TREML4: variants seen among roughly 807,000 people sequenced by gnomAD.
TREML4 encodes triggering receptor expressed on myeloid cells like 4.
A neutral mutation model predicts 25.4 loss-of-function variants in TREML4; 25 were observed. The ratio of observed to expected loss-of-function variants is 0.98; its 90% CI spans 0.72 to 1.37. The LOEUF is 1.37. Among genes scored for constraint, TREML4 ranks in the 40% most tolerant of loss-of-function variants. TREML4 has a pLI of 0.00. For missense variants in TREML4, 268 were observed against 236.5 expected (o/e 1.13, Z -0.87); for synonymous variants, 92 against 87.9 (o/e 1.05, Z -0.26).
chr6:41,228,409 G>C lies in TREML4; in HGVS notation c.-19G>C, dbSNP rs374018445. The C allele has an allele frequency of 6.9e-6, 11 of 1,601,292 alleles. No individual in the cohort carries two copies. The highest frequency in any genetic ancestry group is 8.5e-6 in the Non-Finnish European group (10 of 1,173,794). Reference sequence around the variant, plus strand: ...TTTTTTCTCCTCTCCTCCGCTGTCAGAAACAGATCTGGGCTGGAATGGCCT... The same window carrying C: ...TTTTTTCTCCTCTCCTCCGCTGTCACAAACAGATCTGGGCTGGAATGGCCT... On this transcript the variant is annotated 5_prime_UTR_variant, in exon 1 of 6. Transcript: ENST00000341495.
intron 4 of TREML4, 139 bp from the exon 5 acceptor site, chr6:41,236,347 C>T: frequency 1.5e-6 from 1 of 661,578 alleles, no homozygotes; most frequent in South Asian, 1.9e-5. Context: ...GCTCCTGCCC[C>T]ACACCCCTCT....
intron 3 of TREML4, 53 bp downstream of exon 3, chr6:41,229,624 G>A: frequency 6.3e-7 from 1 of 1,591,640 alleles, no homozygotes; most frequent in East Asian, 2.2e-5. Context: ...AGGCAGCTTG[G>A]GAGCCTCAGA....
intron 4 of TREML4, among the ~76,000 whole-genome samples, chr6:41,232,698 C>A (rs1202912766): frequency 1.3e-5 from 2 of 152,126 alleles, no homozygotes; most frequent in African/African-American, 4.8e-5. Context: ...GAGACAGTGG[C>A]AGATGATCAG....
chr6:41,232,441 G>GTGA, intron 4 of TREML4: 1 of 343,218 alleles, frequency 2.9e-6, no homozygotes, highest in Non-Finnish European at 6.1e-6. Context: ...TAGACTAGCA[G>GTGA]TCCCCAACCT....
In TREML4 at chr6:41,229,556, C is replaced by T. The variant is rs769655755; in HGVS notation, c.430C>T (p.Leu144Phe). 1 of 1,613,960 alleles carries T rather than the reference C, an allele frequency of 6.2e-7. No homozygotes were observed. Among genetic ancestry groups the T allele is most frequent in the Non-Finnish European group, 8.5e-7 (1 of 1,179,918 alleles). ...TTSPMWTLPW[L>F]PTSTVLITSP... The stretch of plus-strand genomic sequence containing the variant: ...GTCTCCTATGTGGACTCTTCCCTGG[C>T]TCCCAACAAGCACAGGTAGGTTGGA... The change falls in exon 3 of 6, where the codon CTC becomes TTC. Residue 144 changes from leucine (L) to phenylalanine (F), a missense_variant. Coordinates refer to ENST00000341495, the MANE Select transcript of TREML4 (RefSeq NM_198153.3).
At chr6:41,231,028 A>C (rs1766785535) in intron 4 of TREML4, 4 of 366,708 alleles carry the variant, frequency 1.1e-5, no homozygotes, top group Admixed American at 5.9e-5. Context: ...CACGCTCCTT[A>C]TGATAATTGA....
intron 4 of TREML4, 42 bp downstream of exon 4, chr6:41,230,164 G>C: frequency 2.0e-6 from 3 of 1,513,132 alleles, no homozygotes; most frequent in African/African-American, 1.4e-5. Context: ...GTCTTGGGAA[G>C]GGAGGGCCTG....
chr6:41,232,926 C>T (rs1394182947), intron 4 of TREML4, among the ~76,000 whole-genome samples: 4 of 152,186 alleles, frequency 2.6e-5, no homozygotes, highest in African/African-American at 9.6e-5. Context: ...TCCTAACAGG[C>T]CAGGAACTGG....
chr6:41,229,082 C>T, intron 2 of TREML4, 38 bp downstream of exon 2: 2 of 1,545,580 alleles, frequency 1.3e-6, no homozygotes, highest in Non-Finnish European at 1.8e-6. Flanking sequence ...CTGTGCCACC[C>T]CCCAGGGACC....
chr6:41,229,444 C>T, intron 2 of TREML4, 77 bp from the exon 3 acceptor site: 2 of 1,528,962 alleles, frequency 1.3e-6, no homozygotes, highest in Non-Finnish European at 1.8e-6. Context: ...GGGCCCCTAC[C>T]TCCTCTTATG....
intron 4 of TREML4, among the ~76,000 whole-genome samples, chr6:41,233,985 A>G (rs1339027156): frequency 4.0e-5 from 6 of 151,736 alleles, no homozygotes; most frequent in Admixed American, 1.3e-4. Flanking sequence ...TAAATAGTGT[A>G]TAAGTACACA....
intron 4 of TREML4, among the ~76,000 whole-genome samples, chr6:41,230,529 G>A (rs9471516): frequency 6.6e-6 from 1 of 152,116 alleles, no homozygotes; most frequent in Non-Finnish European, 1.5e-5. Context: ...TATTCTTGCA[G>A]TCATGGGTTT....
intron 3 of TREML4, 22 bp downstream of exon 3, chr6:41,229,593 G>A: frequency 6.2e-7 from 1 of 1,613,222 alleles, no homozygotes; most frequent in Non-Finnish European, 8.5e-7. Context: ...GCCTCGGTGG[G>A]GGAAGATTAG....
chr6:41,231,733 T>C (rs1341290758), intron 4 of TREML4, among the ~76,000 whole-genome samples: 1 of 152,100 alleles, frequency 6.6e-6, no homozygotes, highest in African/African-American at 2.4e-5. Context: ...TGGAAGGTCC[T>C]GGAAAGAACT....
chr6:41,232,622 T>A (rs994101215), intron 4 of TREML4: 1 of 155,536 alleles, frequency 6.4e-6, no homozygotes, highest in African/African-American at 2.4e-5. Flanking sequence ...CTCACCATAA[T>A]GTAGAGTCTA....
At chr6:41,231,481 C>T (rs1766798503) in intron 4 of TREML4, among the ~76,000 whole-genome samples, 1 of 152,196 alleles carries the variant, frequency 6.6e-6, no homozygotes. Context: ...ACACACCCAA[C>T]AATAGAAACC....
At position 41,236,406 on chromosome 6, in the gene TREML4, G is replaced by C. The variant is rs1272344263; in HGVS notation, c.507-80G>C. The C allele has an allele frequency of 1.1e-5, 13 of 1,229,466 alleles. No homozygotes were observed. The Admixed American group carries it at 1.4e-4, about 13-fold the overall frequency. 76.2% of individuals were successfully genotyped at this position (1,229,466 alleles called of 1,614,324 possible). Reference sequence around the variant, plus strand: ...ACGCAAACAGCTCCAGCTACAAGGGGCCTGCCTGGCTTAGGGACACCGCAG... The same window carrying C: ...ACGCAAACAGCTCCAGCTACAAGGGCCCTGCCTGGCTTAGGGACACCGCAG... On this transcript the variant is annotated intron_variant, in intron 4 of 5. Transcript: ENST00000341495.
At position 41,237,646 on chromosome 6, in the gene TREML4, A is replaced by G. The variant is rs930858944; in HGVS notation, c.*627A>G. On this transcript the variant is annotated 3_prime_UTR_variant, in exon 6 of 6. Transcript: ENST00000341495. Reference sequence around the variant, plus strand: ...AATGAGAGAGAAATGACTTAAAAATAAATGATAAAATTGAAACTAAGAAAG... The same window carrying G: ...AATGAGAGAGAAATGACTTAAAAATGAATGATAAAATTGAAACTAAGAAAG... The G allele has an allele frequency of 3.3e-5, 5 of 152,252 alleles. No homozygotes were observed. The highest frequency in any genetic ancestry group is 1.2e-4 in the African/African-American group (5 of 41,460). The allele number at this position is 152,252 out of a possible 1,614,324, so 9.4% of individuals were successfully genotyped here. A position where few individuals can be genotyped will look rare whatever the true frequency, so the allele number is the denominator to read the frequency against.
chr6:41,230,239 CA>C, intron 4 of TREML4, 117 bp downstream of exon 4: 1 of 857,952 alleles, frequency 1.2e-6, no homozygotes, highest in Non-Finnish European at 1.9e-6. Context: ...TGGGTTGGGG[CA>C]TAGGTTACAG....
Sources: allele counts gnomAD v4.1 joint callset (sites outside exome capture counted in the v4.1 genomes callset), GRCh38; gene constraint gnomAD v4.1.1; transcripts MANE v1.5; gene names NCBI Gene and HGNC (gene_info 2026-07-23, HGNC 2026-07-21).